CSMD1: variants seen among roughly 807,000 people sequenced by gnomAD.
CSMD1 encodes the protein CUB and sushi domain-containing protein 1.
A neutral mutation model predicts 417.5 loss-of-function variants in CSMD1; 213 were observed. The observed-to-expected ratio is 0.51, with a 90% CI of 0.46 to 0.57. The LOEUF (loss-of-function observed/expected upper bound fraction) is 0.57. Among genes scored for constraint, CSMD1 ranks in the 20% least tolerant of loss-of-function variants. CSMD1 has a pLI of 0.00. For missense variants in CSMD1, 6,923 were observed against 4,529.7 expected (o/e 1.53, Z -15.17); for synonymous variants, 2,862 against 1,736.8 (o/e 1.65, Z -16.11).
intron 3 of CSMD1, among the ~76,000 whole-genome samples, chr8:4,271,411 C>T (rs1264639716): frequency 6.6e-6 from 1 of 151,880 alleles, no homozygotes; most frequent in Non-Finnish European, 1.5e-5. Context: ...TGCCTGATGC[C>T]CTGTTTGAAA....
Position 4,525,920 on chromosome 8 carries a change from C to T in CSMD1, c.303-105855G>A, listed in dbSNP as rs148332220. On this transcript the variant is annotated intron_variant, in intron 2 of 69. Coordinates refer to ENST00000635120, the MANE Select transcript of CSMD1 (RefSeq NM_033225.6). ...TGATAAGTGCAGGCCTTAGTAACCA[C>T]CTGAGACCAGGGGCAGAATATCCAT... 5.1e-4 allele frequency among the ~76,000 whole-genome samples: 77 copies of T among 152,220 alleles called. 1 individual carries two copies. In the East Asian group the frequency reaches 8.3e-3, roughly 16 times the overall value.
At chr8:2,964,794 C>CAAGA (rs1803813815) in intron 59 of CSMD1, among the ~76,000 whole-genome samples, 2 of 152,098 alleles carry the variant, frequency 1.3e-5, no homozygotes, top group African/African-American at 4.8e-5. Flanking sequence ...CAGGATGGTC[C>CAAGA]AAGAACACGC....
At chr8:4,942,180 C>T (rs1808049195) in intron 1 of CSMD1, among the ~76,000 whole-genome samples, 1 of 152,160 alleles carries the variant, frequency 6.6e-6, no homozygotes. Context: ...TTTTCATCCA[C>T]TTTTGCTTCC....
chr8:4,975,671 C>T (rs1810512035), intron 1 of CSMD1, among the ~76,000 whole-genome samples: 1 of 152,154 alleles, frequency 6.6e-6, no homozygotes, highest in African/African-American at 2.4e-5. Flanking sequence ...AACGGTAATT[C>T]AAGAAGTAGG....
In CSMD1 at chr8:2,968,744, G is replaced by GA. The variant is rs528705849; in HGVS notation, c.8924-1999dup. ...AAAACAATAGATTAAATTTAGAGGA[G>GA]AAAAAAGAACAATAAATTAGAAGAG... On this transcript the variant is annotated intron_variant, in intron 57 of 69. Coordinates refer to ENST00000635120, the MANE Select transcript of CSMD1 (RefSeq NM_033225.6). Among the ~76,000 whole-genome samples, 7 of 151,864 alleles carry GA rather than the reference G, an allele frequency of 4.6e-5. No homozygotes were observed. The East Asian group carries it at 1.4e-3, about 29-fold the overall frequency.
At chr8:3,261,949 G>T (rs1470724017) in intron 26 of CSMD1, among the ~76,000 whole-genome samples, 5 of 151,826 alleles carry the variant, frequency 3.3e-5, no homozygotes, top group African/African-American at 1.2e-4. Flanking sequence ...ATGTCAACGC[G>T]TGGGCTGTGA....
intron 3 of CSMD1, among the ~76,000 whole-genome samples, chr8:4,326,515 G>A (rs7018359): frequency 6.6e-6 from 1 of 152,010 alleles, no homozygotes; most frequent in Admixed American, 6.6e-5. Flanking sequence ...CCATAAACGA[G>A]AGGTAGTGCA....
chr8:4,955,780 G>A (rs111243540), intron 1 of CSMD1, among the ~76,000 whole-genome samples: 1,925 of 47,956 alleles, frequency 0.04, 34 homozygotes, highest in African/African-American at 0.09. Flanking sequence ...TGCATGTTAG[G>A]TGGTGGCGTA....
chr8:4,831,103 C>T (rs1800123811), intron 1 of CSMD1, among the ~76,000 whole-genome samples: 1 of 152,108 alleles, frequency 6.6e-6, no homozygotes, highest in Non-Finnish European at 1.5e-5. Context: ...TCCATTTTAC[C>T]TATGCCTTAG....
chr8:3,056,382 C>A (rs904110529), intron 49 of CSMD1, among the ~76,000 whole-genome samples: 1 of 151,472 alleles, frequency 6.6e-6, no homozygotes, highest in African/African-American at 2.4e-5. Context: ...TTCTTTTTTT[C>A]TTTTTGAGAC....
At chr8:4,453,825 T>TTTTC in intron 2 of CSMD1, among the ~76,000 whole-genome samples, 1 of 129,922 alleles carries the variant, frequency 7.7e-6, no homozygotes, top group Admixed American at 7.8e-5. Flanking sequence ...TTTTTTTTTT[T>TTTTC]TTTTTTTTTT....
chr8:3,850,043 G>A (rs1352908290), intron 5 of CSMD1, among the ~76,000 whole-genome samples: 2 of 152,138 alleles, frequency 1.3e-5, no homozygotes, highest in East Asian at 3.9e-4. Context: ...TGATCCACCA[G>A]CCTCAGCCTC....
At chr8:4,418,385 A>T (rs1797064515) in intron 3 of CSMD1, among the ~76,000 whole-genome samples, 1 of 152,112 alleles carries the variant, frequency 6.6e-6, no homozygotes, top group African/African-American at 2.4e-5. Context: ...ACCACCAGTA[A>T]ACCCAGAAAT....
At chr8:4,133,858 C>T (rs956421103) in intron 3 of CSMD1, among the ~76,000 whole-genome samples, 1 of 152,066 alleles carries the variant, frequency 6.6e-6, no homozygotes, top group Non-Finnish European at 1.5e-5. Flanking sequence ...ATCAGGGTTA[C>T]ACATATAAAG....
chr8:4,928,287 C>A (rs187196104), intron 1 of CSMD1, among the ~76,000 whole-genome samples: 10 of 152,312 alleles, frequency 6.6e-5, no homozygotes, highest in African/African-American at 2.2e-4. Flanking sequence ...TCCTGACCTC[C>A]CATATGTGCA....
chr8:4,183,927 A>G (rs1005918413), intron 3 of CSMD1, among the ~76,000 whole-genome samples: 1 of 152,246 alleles, frequency 6.6e-6, no homozygotes, highest in South Asian at 2.1e-4. Context: ...ACCACATGAT[A>G]GTCTGGGAAA....
intron 3 of CSMD1, among the ~76,000 whole-genome samples, chr8:4,265,364 TC>T (rs1804176961): frequency 2.2e-5 from 1 of 44,788 alleles, no homozygotes; most frequent in South Asian, 1.2e-3. Flanking sequence ...CTGCACAGTA[TC>T]ATTTGACATG....
chr8:4,681,659 C>T (rs1206763336), intron 1 of CSMD1, among the ~76,000 whole-genome samples: 2 of 152,166 alleles, frequency 1.3e-5, no homozygotes, highest in Non-Finnish European at 2.9e-5. Context: ...GTCAATCCTG[C>T]TCTCATACAT....
chr8:4,056,102 G>C (rs1248254148), intron 3 of CSMD1, among the ~76,000 whole-genome samples: 2 of 34,020 alleles, frequency 5.9e-5, no homozygotes, highest in African/African-American at 1.1e-4. Flanking sequence ...TTTTTTTTGA[G>C]ACAGAGTCTC....
Sources: gnomAD v4.1 joint callset for allele counts (sites outside exome capture counted in the v4.1 genomes callset) on GRCh38, gnomAD v4.1.1 for gene constraint, MANE v1.5 for transcripts, NCBI Gene and HGNC (gene_info 2026-07-23, HGNC 2026-07-21) for gene names.